ROBO3: variants seen among roughly 807,000 people sequenced by gnomAD.
ROBO3 encodes roundabout guidance receptor 3, also known as roundabout homolog 3.
A neutral mutation model predicts 160.5 loss-of-function variants in ROBO3; 97 were observed. The ratio of observed to expected loss-of-function variants is 0.60; its 90% CI spans 0.51 to 0.72. The LOEUF is 0.72. ROBO3 is among the 30% of genes least tolerant of loss of function. The probability of loss-of-function intolerance (pLI) is 0.00; values close to 1 mark genes in which losing one functional copy is unlikely to be tolerated. For missense variants in ROBO3, 1,858 were observed against 1,846.5 expected, an observed-to-expected ratio of 1.01 and a Z score of -0.11; for synonymous variants, 780 against 746.2, an observed-to-expected ratio of 1.05 and a Z score of -0.74.
At chr11:124,868,320 A>G (rs1212428069) in intron 1 of ROBO3, 1 of 231,976 alleles carries the variant, frequency 4.3e-6, no homozygotes, top group Non-Finnish European at 8.4e-6. Context: ...CACATTCCCA[A>G]TTTCACTGAG....
Position 124,865,629 on chromosome 11 carries a change from T to C in ROBO3, c.52T>C (p.Ser18Pro), listed in dbSNP as rs1946186354. The C allele has an allele frequency of 5.0e-6, 8 of 1,612,908 alleles. No individual in the cohort carries two copies. Among genetic ancestry groups the C allele is most frequent in the African/African-American group, 1.3e-5 (1 of 74,918 alleles). ...GCTGCAGATGAACTTGTTCGCGGAC[T>C]CTCTGGCCGGGGACATCTCCAACTC... The part of the protein sequence containing the change: ...TLLQMNLFAD[S>P]LAGDISNSSE... Residue 18 changes from serine to proline, a missense_variant, in exon 1 of 28, where the codon TCT (serine) becomes CCT (proline). Ser to Pro is a moderately conservative substitution (Grantham distance 74). Coordinates refer to ENST00000397801, the MANE Select transcript of ROBO3 (RefSeq NM_022370.4). The surrounding 1 kb of genome is among the most constrained non-coding windows in gnomAD (Gnocchi z 5.5).
At position 124,870,060 on chromosome 11, in the gene ROBO3, T is replaced by C; in HGVS notation, c.758T>C (p.Met253Thr). The C allele has an allele frequency of 2.5e-6, 4 of 1,613,958 alleles. No homozygotes were observed. Among genetic ancestry groups the C allele is most frequent in the African/African-American group, 1.3e-5 (1 of 75,038 alleles). Residue 253 changes from methionine (M) to threonine (T), a missense_variant, in exon 4 of 28, where the codon ATG becomes ACG. By Grantham distance (81) the Met-to-Thr change is moderately conservative. Transcript: ENST00000397801. ...CGGGAGAGTGCGGCAGCTGAAGTCA[T>C]GGTACTGGGTAGGCACAGGGAATTT... ...GERESAAAEV[M>T]VLERPSFLRR...
At position 124,869,748 on chromosome 11, in the gene ROBO3, A is replaced by G. The variant is rs1048604428; in HGVS notation, c.645+141A>G. On this transcript the variant is annotated intron_variant, in intron 3 of 27. Coordinates refer to ENST00000397801, the MANE Select transcript of ROBO3 (RefSeq NM_022370.4). This position sits in a 1 kb window ranked among gnomAD's most constrained non-coding sequence, Gnocchi z 4.2. ...ATACAGTGAGGGATAAGGAAGACGG[A>G]ATTGGTATAAAAAAGGGGCGGGGGC... 7.9e-7 allele frequency: 1 copy of G among 1,269,140 alleles called. No homozygotes were observed. Among genetic ancestry groups the G allele is most frequent in the African/African-American group, 1.5e-5 (1 of 66,762 alleles). The allele number at this position is 1,269,140 out of a possible 1,614,324, so 78.6% of individuals were successfully genotyped here.
intron 12 of ROBO3, 48 bp from the exon 13 acceptor site, chr11:124,874,740 T>C: frequency 6.4e-7 from 1 of 1,572,446 alleles, no homozygotes. Context: ...CTCAGCCCTA[T>C]CTCCCTGTCC....
At chr11:124,880,971 T>A (rs1452220435) in intron 27 of ROBO3, among the ~76,000 whole-genome samples, 1 of 152,160 alleles carries the variant, frequency 6.6e-6, no homozygotes, top group Non-Finnish European at 1.5e-5. Flanking sequence ...GGAGGATAGC[T>A]TGAGCCTGGG....
At chr11:124,866,309 G>A (rs954492001) in intron 1 of ROBO3, among the ~76,000 whole-genome samples, 1 of 152,190 alleles carries the variant, frequency 6.6e-6, no homozygotes, top group Non-Finnish European at 1.5e-5. Flanking sequence ...CCCCGGCAGA[G>A]CTGTGGCGGG....
At position 124,868,962 on chromosome 11, in the gene ROBO3, G is replaced by T. The variant is rs770621292; in HGVS notation, c.321G>T (p.Val107=). ...WYKNGARVAT[V]REDPRAHRLL... is the part of the protein sequence containing the mutation. ...AGAACGGGGCGCGTGTGGCCACTGT[G>T]CGGGAGGATCCGCGTGCGCACCGCC... Residue 107 remains valine, a synonymous_variant, in exon 2 of 28, where the codon GTG becomes GTT. Coordinates refer to ENST00000397801, the MANE Select transcript of ROBO3 (RefSeq NM_022370.4). The T allele has an allele frequency of 8.7e-6, 14 of 1,605,022 alleles. No individual in the cohort carries two copies.
intron 13 of ROBO3, 42 bp downstream of exon 13, chr11:124,874,951 A>C (rs377426791): frequency 2.5e-6 from 4 of 1,581,988 alleles, no homozygotes; most frequent in Non-Finnish European, 2.6e-6. Context: ...GGGGATGATT[A>C]TGAGGCACAT....
At position 124,869,710 on chromosome 11, in the gene ROBO3, C is replaced by T. The variant is rs1176987718; in HGVS notation, c.645+103C>T. On this transcript the variant is annotated intron_variant, in intron 3 of 27. Transcript: ENST00000397801. The surrounding 1 kb of genome is among the most constrained non-coding windows in gnomAD (Gnocchi z 4.2). ...GATCAGGGCATTAGCTAACCAGAGA[C>T]TAAGAGTCAGCTATACAGTGAGGGA... 2.2e-6 allele frequency: 3 copies of T among 1,352,818 alleles called. No homozygotes were observed. Among genetic ancestry groups the T allele is most frequent in the Non-Finnish European group, 3.0e-6 (3 of 999,272 alleles). The allele number at this position is 1,352,818 out of a possible 1,614,324, so 83.8% of individuals were successfully genotyped here.
In ROBO3 at chr11:124,875,677, G is replaced by A. The variant is rs1157714001; in HGVS notation, c.2413G>A (p.Glu805Lys). The A allele has an allele frequency of 4.4e-6, 7 of 1,607,376 alleles. No homozygotes were observed. The highest frequency in any genetic ancestry group is 5.9e-6 in the Non-Finnish European group (7 of 1,177,166). The change falls in exon 15 of 28, where the codon GAA becomes AAA. Residue 805 changes from glutamate to lysine, a missense_variant. Coordinates refer to ENST00000397801, the MANE Select transcript of ROBO3 (RefSeq NM_022370.4). ...CTCCCAGCAAAATGGGGTCATCACG[G>A]AATACCAGGTAGAGGGATTGAGGAG... Reference protein sequence around the residue: ...LPSQQNGVITEYQIWCLGNES... With the variant: ...LPSQQNGVITKYQIWCLGNES...
At chr11:124,874,723 G>A in intron 12 of ROBO3, 65 bp from the exon 13 acceptor site, 1 of 1,531,786 alleles carries the variant, frequency 6.5e-7, no homozygotes, top group Non-Finnish European at 8.8e-7. Flanking sequence ...TAGGACACGA[G>A]CACACTCTCA....
Position 124,873,178 on chromosome 11 carries a change from C to T in ROBO3, c.1536+89C>T, listed in dbSNP as rs533577196. The T allele has an allele frequency of 3.5e-6, 5 of 1,436,044 alleles. No homozygotes were observed. The South Asian group carries it at 3.8e-5, about 11-fold the overall frequency. The allele number at this position is 1,436,044 out of a possible 1,614,324, so 89.0% of individuals were successfully genotyped here. ...AGTAAGTACTCACTGGGCCTGTAGC[C>T]CCATCTTTACCCCTCTGTTCTCTCA... On this transcript the variant is annotated intron_variant, in intron 9 of 27. Transcript: ENST00000397801. The surrounding 1 kb of genome is among the most constrained non-coding windows in gnomAD (Gnocchi z 4.5).
chr11:124,866,544 C>T (rs1324821402), intron 1 of ROBO3, among the ~76,000 whole-genome samples: 1 of 152,230 alleles, frequency 6.6e-6, no homozygotes, highest in East Asian at 1.9e-4. Context: ...CATCCCTCTG[C>T]CTCGACCCAC....
chr11:124,875,994 G>A lies in ROBO3; in HGVS notation c.2462G>A (p.Arg821Gln). The A allele has an allele frequency of 6.2e-7, 1 of 1,600,912 alleles. No individual in the cohort carries two copies. Reference protein sequence around the residue: ...LGNESRFHLNRSAAGWARSAM... With the variant: ...LGNESRFHLNQSAAGWARSAM... ...AATGAGAGCCGCTTTCACCTCAATC[G>A]ATCTGCAGCAGGCTGGGCACGCTCC... Residue 821 changes from arginine (R) to glutamine (Q), a missense_variant, in exon 16 of 28, where the codon CGA becomes CAA. Physicochemically the swap from Arg to Gln is conservative, Grantham distance 43. Coordinates refer to ENST00000397801, the MANE Select transcript of ROBO3 (RefSeq NM_022370.4).
rs1390550673 is a variant in ROBO3 at position 124,881,287 on chromosome 11, G to A, written c.*37G>A. On this transcript the variant is annotated 3_prime_UTR_variant, in exon 28 of 28. Coordinates refer to ENST00000397801, the MANE Select transcript of ROBO3 (RefSeq NM_022370.4). ...GCATTGAGAATATCATGAGTGCCACGGGGAAGGGGAGTAGGGATGTCTTTT... is the reference window on the plus strand; with the variant it reads ...GCATTGAGAATATCATGAGTGCCACAGGGAAGGGGAGTAGGGATGTCTTTT... 8 of 1,586,156 alleles carry A rather than the reference G, an allele frequency of 5.0e-6. No individual in the cohort carries two copies. The highest frequency in any genetic ancestry group is 2.3e-5 in the East Asian group (1 of 44,028).
chr11:124,869,872 T>C lies in ROBO3; in HGVS notation c.646-76T>C. On this transcript the variant is annotated intron_variant, in intron 3 of 27. Transcript: ENST00000397801. The surrounding 1 kb of genome is among the most constrained non-coding windows in gnomAD (Gnocchi z 4.2). ...ATCAAATAAACTTTATACATATGTA[T>C]ATACACATATATTCACCATATATAT... is the stretch of plus-strand genomic sequence containing the variant. The C allele has an allele frequency of 1.3e-6, 2 of 1,513,542 alleles. No individual in the cohort carries two copies. Among genetic ancestry groups the C allele is most frequent in the Admixed American group, 2.0e-5 (1 of 50,950 alleles). 93.8% of individuals were successfully genotyped at this position (1,513,542 alleles called of 1,614,324 possible).
In ROBO3 at chr11:124,876,901, G is replaced by A. The variant is rs2135337448; in HGVS notation, c.2780-260G>A. On this transcript the variant is annotated intron_variant, in intron 17 of 27. Transcript: ENST00000397801. The surrounding 1 kb of genome is among the most constrained non-coding windows in gnomAD (Gnocchi z 5.3). ...CGAGTTCTGCTACTTCCTAGTAAGGGACGTCTCTGGAGAGATTCTGAGGTG... is the reference window on the plus strand; with the variant it reads ...CGAGTTCTGCTACTTCCTAGTAAGGAACGTCTCTGGAGAGATTCTGAGGTG... 3.4e-6 allele frequency: 2 copies of A among 589,464 alleles called. No individual in the cohort carries two copies. Among genetic ancestry groups the A allele is most frequent in the East Asian group, 5.6e-5 (2 of 35,700 alleles). 36.5% of individuals were successfully genotyped at this position (589,464 alleles called of 1,614,324 possible).
Position 124,872,622 on chromosome 11 carries a change from CTCTTGGAGTCTATATACT to C in ROBO3, c.1330+71_1330+88del. 1 of 1,450,134 alleles carries C rather than the reference CTCTTGGAGTCTATATACT, an allele frequency of 6.9e-7. No homozygotes were observed. The highest frequency in any genetic ancestry group is 9.5e-7 in the Non-Finnish European group (1 of 1,058,032). The allele number at this position is 1,450,134 out of a possible 1,614,324, so 89.8% of individuals were successfully genotyped here. A position where few individuals can be genotyped will look rare whatever the true frequency, so the allele number is the denominator to read the frequency against. On this transcript the variant is annotated intron_variant, in intron 8 of 27. Transcript: ENST00000397801. The surrounding 1 kb of genome is among the most constrained non-coding windows in gnomAD (Gnocchi z 4.3). ...AATAATGGCCTAAAGTGATGTGTTT[CTCTTGGAGTCTATATACT>C]ATGTCTGCAAGAGGAGAGATGTGTT...
At position 124,876,202 on chromosome 11, in the gene ROBO3, C is replaced by T; in HGVS notation, c.2594-73C>T. The T allele has an allele frequency of 2.0e-6, 3 of 1,521,576 alleles. No individual in the cohort carries two copies. The South Asian group carries it at 3.9e-5, about 20-fold the overall frequency. 94.3% of individuals were successfully genotyped at this position (1,521,576 alleles called of 1,614,324 possible). A position where few individuals can be genotyped will look rare whatever the true frequency, so the allele number is the denominator to read the frequency against. ...CCCCCACTGGGGTAGCTGTGCCTGCCGGGTCGGGAATGACCCTTTCCCAGT... is the reference window on the plus strand; with the variant it reads ...CCCCCACTGGGGTAGCTGTGCCTGCTGGGTCGGGAATGACCCTTTCCCAGT... On this transcript the variant is annotated intron_variant, in intron 16 of 27. Transcript: ENST00000397801. This position sits in a 1 kb window ranked among gnomAD's most constrained non-coding sequence, Gnocchi z 5.3.
Sources: gnomAD v4.1 joint callset for allele counts (sites outside exome capture counted in the v4.1 genomes callset) on GRCh38, gnomAD v4.1.1 for gene constraint, Gnocchi (gnomAD v3.1) non-coding constraint, MANE v1.5 for transcripts, NCBI Gene and HGNC (gene_info 2026-07-23, HGNC 2026-07-21) for gene names.